Variants in UGT1A5 observed in about 807,000 individuals in gnomAD.
The protein encoded by UGT1A5 is UDP-glucuronosyltransferase 1A5.
A neutral mutation model predicts 40.3 loss-of-function variants in UGT1A5; 29 were observed. The ratio of observed to expected loss-of-function variants is 0.72; its 90% CI spans 0.54 to 0.98. The LOEUF (loss-of-function observed/expected upper bound fraction) is 0.98, where lower values mean the gene tolerates loss of function less well. Among genes scored for constraint, UGT1A5 ranks in the 50% least tolerant of loss-of-function variants. The pLI is 0.00. For synonymous variants in UGT1A5, 257 were observed against 262.5 expected (o/e 0.98, Z 0.20); for missense variants, 678 against 677.9 (o/e 1.00, Z 0.00).
intron 1 of UGT1A5, among the ~76,000 whole-genome samples, chr2:233,726,233 C>G (rs536787138): frequency 6.6e-6 from 1 of 152,166 alleles, no homozygotes; most frequent in Non-Finnish European, 1.5e-5. Flanking sequence ...TTTTTTAAAA[C>G]TCCAATATGA....
chr2:233,769,948 G>A lies in UGT1A5; in HGVS notation c.1307+1509G>A, dbSNP rs34217924. ...TGTGGTCCCATTCCTTCCTTCCAGC[G>A]GCTTCTTCTGGCCACCTCAATGTCA... On this transcript the variant is annotated intron_variant, in intron 4 of 4. Transcript: ENST00000373414. The surrounding 1 kb of genome is among the most constrained non-coding windows in gnomAD (Gnocchi z 4.4). The A allele has an allele frequency of 2.0e-3, 447 of 222,054 alleles. 3 individuals carry two copies. The highest frequency in any genetic ancestry group is 0.017 in the East Asian group (164 of 9,732). The allele number at this position is 222,054 out of a possible 1,614,324, so 13.8% of individuals were successfully genotyped here. A position where few individuals can be genotyped will look rare whatever the true frequency, so the allele number is the denominator to read the frequency against.
intron 1 of UGT1A5, among the ~76,000 whole-genome samples, chr2:233,716,034 G>GCAT (rs1226945298): frequency 1.3e-5 from 2 of 152,146 alleles, no homozygotes; most frequent in Non-Finnish European, 2.9e-5. Flanking sequence ...TTTGATGTCA[G>GCAT]CATTCTGATT....
chr2:233,744,381 A>G (rs186112546), intron 1 of UGT1A5, among the ~76,000 whole-genome samples: 6 of 151,986 alleles, frequency 3.9e-5, no homozygotes, highest in East Asian at 3.9e-4. Flanking sequence ...CAGTTCTCCA[A>G]CGTTCCAGCC....
In UGT1A5 at chr2:233,713,466, G is replaced by A; in HGVS notation, c.475G>A (p.Ala159Thr). ...AACAGACCCCTTTCACCTCTGCGCGGCGGTGCTGGCTAAGTACCTGTCGAT... is the reference window on the plus strand; with the variant it reads ...AACAGACCCCTTTCACCTCTGCGCGACGGTGCTGGCTAAGTACCTGTCGAT... ...VLTDPFHLCA[A>T]VLAKYLSIPA... Residue 159 changes from alanine to threonine, a missense_variant, in exon 1 of 5, where the codon GCG becomes ACG. Coordinates refer to ENST00000373414, the MANE Select transcript of UGT1A5 (RefSeq NM_019078.2). The A allele has an allele frequency of 6.2e-7, 1 of 1,614,064 alleles. No individual in the cohort carries two copies. Among genetic ancestry groups the A allele is most frequent in the Non-Finnish European group, 8.5e-7 (1 of 1,179,980 alleles).
At chr2:233,748,817 G>A (rs1468052595) in intron 1 of UGT1A5, among the ~76,000 whole-genome samples, 2 of 151,366 alleles carry the variant, frequency 1.3e-5, no homozygotes, top group Non-Finnish European at 2.9e-5. Context: ...AATTGTGGAA[G>A]GGTCTAGGGA....
intron 1 of UGT1A5, among the ~76,000 whole-genome samples, chr2:233,721,312 CTCTTT>C (rs1419139960): frequency 1.3e-5 from 2 of 152,056 alleles, no homozygotes; most frequent in Non-Finnish European, 2.9e-5. Context: ...GTGATTGTGG[CTCTTT>C]TCTTGTGGTT....
chr2:233,744,569 T>A (rs1692854365), intron 1 of UGT1A5, among the ~76,000 whole-genome samples: 2 of 151,878 alleles, frequency 1.3e-5, no homozygotes, highest in Non-Finnish European at 2.9e-5. Context: ...GTGAGAAGAG[T>A]GGCATCGTTT....
chr2:233,745,589 C>T (rs984719632), intron 1 of UGT1A5, among the ~76,000 whole-genome samples: 4 of 151,622 alleles, frequency 2.6e-5, no homozygotes, highest in East Asian at 1.9e-4. Flanking sequence ...ACCTGAGACC[C>T]GGACTTGGCA....
At chr2:233,768,790 G>T (rs1021832155) in intron 4 of UGT1A5, among the ~76,000 whole-genome samples, 16 of 151,906 alleles carry the variant, frequency 1.1e-4, no homozygotes, top group African/African-American at 3.9e-4. Context: ...CACCATGTTT[G>T]TCAGGCTGGT....
In UGT1A5 at chr2:233,747,891, C is replaced by T. The variant is rs562741642; in HGVS notation, c.868-19143C>T. 6 of 1,613,060 alleles carry T rather than the reference C, an allele frequency of 3.7e-6. No homozygotes were observed. In the Admixed American group the frequency reaches 5.0e-5, roughly 13 times the overall value. On this transcript the variant is annotated intron_variant, in intron 1 of 4. Coordinates refer to ENST00000373414, the MANE Select transcript of UGT1A5 (RefSeq NM_019078.2). ...GGCCCTGTCCTACCTTTGCCATGCT[C>T]TTTCTGCTCCTTATGCAAGCCTTGC...
chr2:233,756,397 G>C (rs553407927), intron 1 of UGT1A5: 1 of 151,856 alleles, frequency 6.6e-6, no homozygotes. Flanking sequence ...TACAGTATTG[G>C]TTTTTTATTT....
intron 1 of UGT1A5, chr2:233,717,696 GGA>G: frequency 2.2e-6 from 1 of 445,086 alleles, no homozygotes; most frequent in Non-Finnish European, 4.6e-6. Flanking sequence ...GTGACTTTCT[GGA>G]GCAGGACGAG....
intron 2 of UGT1A5, 118 bp from the exon 3 acceptor site, chr2:233,767,727 TCCTC>T (rs945662817): frequency 4.7e-5 from 73 of 1,556,206 alleles, no homozygotes; most frequent in Non-Finnish European, 6.3e-5. Context: ...CAGTTACTGA[TCCTC>T]CCACTCTGTT....
chr2:233,749,952 C>T (rs1450236503), intron 1 of UGT1A5, among the ~76,000 whole-genome samples: 1 of 151,854 alleles, frequency 6.6e-6, no homozygotes, highest in Non-Finnish European at 1.5e-5. Flanking sequence ...ATTACCGAGT[C>T]TTGGGTATGT....
chr2:233,715,654 C>G, intron 1 of UGT1A5, among the ~76,000 whole-genome samples: 1 of 152,044 alleles, frequency 6.6e-6, no homozygotes, highest in East Asian at 1.9e-4. Context: ...CACCTGTGGT[C>G]CCAGCTACTC....
In UGT1A5 at chr2:233,768,390, A is replaced by G. The variant is rs774573761; in HGVS notation, c.1258A>G (p.Thr420Ala). ...AGVTLNVLEM[T>A]SEDLENALKA... Reference sequence around the variant, plus strand: ...AGTGACCCTGAATGTTCTGGAAATGACTTCTGAAGATTTAGAAAATGCTCT... The same window carrying G: ...AGTGACCCTGAATGTTCTGGAAATGGCTTCTGAAGATTTAGAAAATGCTCT... The change falls in exon 4 of 5, where the codon ACT becomes GCT. Residue 420 changes from threonine (T) to alanine (A), a missense_variant. Thr to Ala is a moderately conservative substitution (Grantham distance 58, BLOSUM62 0). Coordinates refer to ENST00000373414, the MANE Select transcript of UGT1A5 (RefSeq NM_019078.2). The G allele has an allele frequency of 6.2e-7, 1 of 1,614,202 alleles. No homozygotes were observed. Among genetic ancestry groups the G allele is most frequent in the South Asian group, 1.1e-5 (1 of 91,080 alleles).
rs375974892 is a variant in UGT1A5 at position 233,760,864 on chromosome 2, G to A, written c.868-6170G>A. The A allele has an allele frequency of 8.0e-5, 129 of 1,613,862 alleles. No individual in the cohort carries two copies. Among genetic ancestry groups the A allele is most frequent in the Non-Finnish European group, 9.2e-5 (109 of 1,179,976 alleles). ...CCAGTGCCCCAACCCATTCTCCTAC[G>A]TGCCCAGGCCTCTCTCCTCTCATTC... is the stretch of plus-strand genomic sequence containing the variant. On this transcript the variant is annotated intron_variant, in intron 1 of 4. Coordinates refer to ENST00000373414, the MANE Select transcript of UGT1A5 (RefSeq NM_019078.2).
chr2:233,725,495 C>A (rs1341757937), intron 1 of UGT1A5, among the ~76,000 whole-genome samples: 1 of 151,610 alleles, frequency 6.6e-6, no homozygotes, highest in Non-Finnish European at 1.5e-5. Flanking sequence ...AAAAAGAAAC[C>A]ACTGAAATTA....
At chr2:233,733,656 C>T (rs1449340604) in intron 1 of UGT1A5, among the ~76,000 whole-genome samples, 11 of 152,054 alleles carry the variant, frequency 7.2e-5, no homozygotes, top group African/African-American at 1.7e-4. Context: ...AGGATGAAGC[C>T]GACTTGATCG....
Sources: gnomAD v4.1 joint callset for allele counts (sites outside exome capture counted in the v4.1 genomes callset) on GRCh38, gnomAD v4.1.1 for gene constraint, Gnocchi (gnomAD v3.1) non-coding constraint, MANE v1.5 for transcripts, NCBI Gene and HGNC (gene_info 2026-07-23, HGNC 2026-07-21) for gene names.